Variants in PCDHA2 observed in about 807,000 individuals in gnomAD.
PCDHA2 encodes protocadherin alpha 2, also known as protocadherin alpha-2.
A neutral mutation model predicts 66.0 loss-of-function variants in PCDHA2; 58 were observed. The ratio of observed to expected loss-of-function variants is 0.88; its 90% CI spans 0.71 to 1.09. PCDHA2 has a LOEUF of 1.09. Ranked by LOEUF, PCDHA2 falls within the 50% of genes least tolerant of loss-of-function variation. The probability of loss-of-function intolerance (pLI) is 0.00; values close to 1 mark genes in which losing one functional copy is unlikely to be tolerated. For missense variants in PCDHA2, 1,267 were observed against 1,242.3 expected, an observed-to-expected ratio of 1.02 and a Z score of -0.30; for synonymous variants, 634 against 554.0, an observed-to-expected ratio of 1.14 and a Z score of -2.03.
chr5:140,941,647 C>T (rs1435033243), intron 1 of PCDHA2, among the ~76,000 whole-genome samples: 2 of 152,002 alleles, frequency 1.3e-5, no homozygotes, highest in South Asian at 2.1e-4. Flanking sequence ...CTTCCTACAA[C>T]TTATGTCCAA....
chr5:140,892,468 C>T (rs1184778883), intron 1 of PCDHA2, among the ~76,000 whole-genome samples: 10 of 152,150 alleles, frequency 6.6e-5, no homozygotes, highest in Admixed American at 3.3e-4. Flanking sequence ...TACGGTTATT[C>T]AGTTTCCTAG....
At chr5:140,936,425 T>C (rs1471918068) in intron 1 of PCDHA2, among the ~76,000 whole-genome samples, 2 of 152,244 alleles carry the variant, frequency 1.3e-5, no homozygotes, top group Non-Finnish European at 2.9e-5. Flanking sequence ...TAATTTTAAT[T>C]AATTTAAGCT....
chr5:140,986,656 C>T (rs141575317), intron 3 of PCDHA2, among the ~76,000 whole-genome samples: 2 of 152,290 alleles, frequency 1.3e-5, no homozygotes, highest in East Asian at 1.9e-4. Context: ...GTGGGAGATG[C>T]TCACAGTTTT....
At chr5:140,975,849 A>G (rs1157741908) in intron 1 of PCDHA2, among the ~76,000 whole-genome samples, 1 of 152,208 alleles carries the variant, frequency 6.6e-6, no homozygotes, top group Non-Finnish European at 1.5e-5. Flanking sequence ...CAGTAATACT[A>G]CATCACCCAT....
chr5:140,841,745 G>C, intron 1 of PCDHA2: 1 of 1,613,898 alleles, frequency 6.2e-7, no homozygotes, highest in Non-Finnish European at 8.5e-7. Flanking sequence ...AAAGCTGTTT[G>C]TTTCAGAATC....
Position 140,796,508 on chromosome 5 carries a change from G to A in PCDHA2, c.1544G>A (p.Gly515Asp), listed in dbSNP as rs1554119952. Residue 515 changes from glycine (G) to aspartate (D), a missense_variant, in exon 1 of 4, where the codon GGC (glycine) becomes GAC (aspartate). Gly to Asp is a moderately conservative substitution (Grantham distance 94, BLOSUM62 -1). Coordinates refer to ENST00000526136, the MANE Select transcript of PCDHA2 (RefSeq NM_018905.3). Reference sequence around the variant, plus strand: ...TACGTTTCGGTGCACGCGGAGAGCGGCAAGGTGTACGCGCTGCAGCCGCTG... The same window carrying A: ...TACGTTTCGGTGCACGCGGAGAGCGACAAGGTGTACGCGCTGCAGCCGCTG... ...SSYVSVHAES[G>D]KVYALQPLDH... 1 of 1,612,424 alleles carries A rather than the reference G, an allele frequency of 6.2e-7. No homozygotes were observed. The highest frequency in any genetic ancestry group is 1.1e-5 in the South Asian group (1 of 91,010).
At chr5:140,873,336 C>A (rs1436932142) in intron 1 of PCDHA2, among the ~76,000 whole-genome samples, 1 of 152,168 alleles carries the variant, frequency 6.6e-6, no homozygotes, top group African/African-American at 2.4e-5. Flanking sequence ...ATACATTACT[C>A]ATCTCCAGAT....
At chr5:140,877,575 C>T (rs1244471489) in intron 1 of PCDHA2, 1 of 1,613,826 alleles carries the variant, frequency 6.2e-7, no homozygotes, top group Non-Finnish European at 8.5e-7. Context: ...TGTACCTCAT[C>T]ATCGCCATCT....
chr5:140,824,836 T>C (rs2150071558), intron 1 of PCDHA2: 1 of 152,184 alleles, frequency 6.6e-6, no homozygotes, highest in South Asian at 2.1e-4. Flanking sequence ...ATTATTTTAT[T>C]ACACTAATTT....
intron 3 of PCDHA2, among the ~76,000 whole-genome samples, chr5:141,000,403 A>G (rs1233777704): frequency 4.8e-5 from 4 of 84,110 alleles, no homozygotes; most frequent in Non-Finnish European, 9.0e-5. Context: ...CTCTATATAT[A>G]TATATATATA....
intron 1 of PCDHA2, chr5:140,927,371 G>GCTACAGCCTAAGCC: frequency 6.2e-7 from 1 of 1,614,080 alleles, no homozygotes; most frequent in Non-Finnish European, 8.5e-7. Context: ...GGGATACTAA[G>GCTACAGCCTAAGCC]CTACAGCCTA....
At position 140,877,676 on chromosome 5, in the gene PCDHA2, G is replaced by A. The variant is rs781985023; in HGVS notation, c.2388+80324G>A. ...CCCACCGTGAGCCGGTGCGCGCCGG[G>A]CAAGCCCACGCTGGTGTGCTCCAGC... On this transcript the variant is annotated intron_variant, in intron 1 of 3. Coordinates refer to ENST00000526136, the MANE Select transcript of PCDHA2 (RefSeq NM_018905.3). The A allele has an allele frequency of 8.7e-6, 14 of 1,613,488 alleles. No homozygotes were observed. The African/African-American group carries it at 1.2e-4, about 14-fold the overall frequency.
At chr5:140,831,687 G>C (rs2150196814) in intron 1 of PCDHA2, among the ~76,000 whole-genome samples, 2 of 152,012 alleles carry the variant, frequency 1.3e-5, no homozygotes, top group African/African-American at 4.8e-5. Context: ...TGAATGAAAA[G>C]CAGCAAAAAG....
At chr5:140,932,549 C>T (rs1222820851) in intron 1 of PCDHA2, among the ~76,000 whole-genome samples, 1 of 151,864 alleles carries the variant, frequency 6.6e-6, no homozygotes, top group African/African-American at 2.4e-5. Context: ...ATTTAACATA[C>T]ATTCCACAAG....
chr5:140,869,748 A>G, intron 1 of PCDHA2: 1 of 1,613,334 alleles, frequency 6.2e-7, no homozygotes, highest in Admixed American at 1.7e-5. Flanking sequence ...TAACAGCTAC[A>G]GACGGGGGAA....
chr5:140,881,510 A>G (rs2058738971), intron 1 of PCDHA2: 1 of 210,204 alleles, frequency 4.8e-6, no homozygotes, highest in Non-Finnish European at 8.3e-6. Context: ...ACACTCACAT[A>G]CAAAATCCCA....
chr5:140,974,255 C>T (rs1049283311), intron 1 of PCDHA2, among the ~76,000 whole-genome samples: 1 of 152,186 alleles, frequency 6.6e-6, no homozygotes, highest in African/African-American at 2.4e-5. Flanking sequence ...CCATCAGTTC[C>T]TTTCTGGCCT....
chr5:140,821,675 A>C, intron 1 of PCDHA2: 2 of 1,308,536 alleles, frequency 1.5e-6, no homozygotes, highest in Non-Finnish European at 2.1e-6. Context: ...GAAGCTCAGA[A>C]AGGCGATAAT....
At chr5:140,926,982 G>A (rs1554203886) in intron 1 of PCDHA2, 1 of 1,610,398 alleles carries the variant, frequency 6.2e-7, no homozygotes, top group East Asian at 2.2e-5. Flanking sequence ...CGGAGGAGAC[G>A]GAGCGGGGCG....
Sources: allele counts gnomAD v4.1 joint callset (sites outside exome capture counted in the v4.1 genomes callset), GRCh38; gene constraint gnomAD v4.1.1; transcripts MANE v1.5; gene names NCBI Gene and HGNC (gene_info 2026-07-23, HGNC 2026-07-21).